MYO5B: variants seen among roughly 807,000 people sequenced by gnomAD.
MYO5B encodes the protein unconventional myosin-Vb.
In MYO5B, 143 loss-of-function variants were observed where a neutral mutation model predicts 229.3. That is an observed-to-expected ratio of 0.62 (90% confidence interval 0.54 to 0.72). The LOEUF is 0.72. Ranked by LOEUF, MYO5B falls within the 30% of genes least tolerant of loss-of-function variation. The pLI is 0.00. For synonymous variants in MYO5B, 918 were observed against 885.2 expected (o/e 1.04, Z -0.66); for missense variants, 2,321 against 2,331.0 (o/e 1.00, Z 0.09).
intron 2 of MYO5B, among the ~76,000 whole-genome samples, chr18:50,047,323 A>C (rs1255367077): frequency 6.6e-6 from 1 of 152,262 alleles, no homozygotes; most frequent in African/African-American, 2.4e-5. Flanking sequence ...TATGCAACCA[A>C]AAAACACATG....
At chr18:50,027,482 G>A (rs2026343848) in intron 4 of MYO5B, among the ~76,000 whole-genome samples, 1 of 152,194 alleles carries the variant, frequency 6.6e-6, no homozygotes, top group Non-Finnish European at 1.5e-5. Flanking sequence ...CACCTTAAGT[G>A]AAGGAGCTTG....
intron 5 of MYO5B, among the ~76,000 whole-genome samples, chr18:49,994,001 C>G (rs1468191919): frequency 6.6e-6 from 1 of 152,152 alleles, no homozygotes; most frequent in Non-Finnish European, 1.5e-5. Flanking sequence ...TCTCCAAAGC[C>G]CTATGCTCTC....
chr18:50,115,044 A>G lies in MYO5B; in HGVS notation c.28-59666T>C, dbSNP rs1173554785. ...GAGGACAGCACCTTTCTGATTCCACAATTTGATGGTCCACTCAGTGCTGAA... is the reference window on the plus strand; with the variant it reads ...GAGGACAGCACCTTTCTGATTCCACGATTTGATGGTCCACTCAGTGCTGAA... On this transcript the variant is annotated intron_variant, in intron 1 of 39. Coordinates refer to ENST00000285039, the MANE Select transcript of MYO5B (RefSeq NM_001080467.3). Among the ~76,000 whole-genome samples, 6 of 152,196 alleles carry G rather than the reference A, an allele frequency of 3.9e-5. No homozygotes were observed. The South Asian group carries it at 1.0e-3, about 26-fold the overall frequency.
chr18:49,884,967 C>A (rs1787317), intron 22 of MYO5B, among the ~76,000 whole-genome samples: 88,274 of 152,004 alleles, frequency 0.58, 25,785 homozygotes, highest in Middle Eastern at 0.67. Context: ...GGCTATAATA[C>A]AGACAGACAA....
intron 1 of MYO5B, among the ~76,000 whole-genome samples, chr18:50,157,672 TA>T (rs1255426131): frequency 4.6e-5 from 7 of 152,188 alleles, no homozygotes; most frequent in Admixed American, 3.9e-4. Flanking sequence ...ATCTCAAATC[TA>T]AAATACAAAA....
chr18:49,966,983 C>A (rs1254786214), intron 10 of MYO5B, among the ~76,000 whole-genome samples: 1 of 152,124 alleles, frequency 6.6e-6, no homozygotes, highest in Non-Finnish European at 1.5e-5. Flanking sequence ...AAAATAAACA[C>A]AATGAATCAA....
At chr18:50,040,345 G>A in intron 2 of MYO5B, 31 bp from the exon 3 acceptor site, 1 of 1,607,820 alleles carries the variant, frequency 6.2e-7, no homozygotes, top group East Asian at 2.2e-5. Flanking sequence ...GACACAAAAA[G>A]GTGGTTATGA....
chr18:49,937,740 T>C (rs960249241), intron 14 of MYO5B, among the ~76,000 whole-genome samples: 3 of 151,860 alleles, frequency 2.0e-5, no homozygotes, highest in Non-Finnish European at 2.9e-5. Context: ...ACACAAACGT[T>C]CGTATAGTGT....
intron 17 of MYO5B, among the ~76,000 whole-genome samples, chr18:49,929,229 T>G (rs2144194214): frequency 6.6e-6 from 1 of 152,322 alleles, no homozygotes; most frequent in East Asian, 1.9e-4. Flanking sequence ...GAAATCCTCT[T>G]TGCAACTCTA....
chr18:50,002,809 A>G (rs2026062502), intron 4 of MYO5B, among the ~76,000 whole-genome samples: 1 of 152,174 alleles, frequency 6.6e-6, no homozygotes, highest in Non-Finnish European at 1.5e-5. Flanking sequence ...TTTCCATATG[A>G]GGACAGGTTT....
At chr18:49,989,263 A>G (rs1309272371) in intron 7 of MYO5B, among the ~76,000 whole-genome samples, 1 of 152,202 alleles carries the variant, frequency 6.6e-6, no homozygotes, top group Non-Finnish European at 1.5e-5. Flanking sequence ...CGCTGAAACC[A>G]CTTGATGGAT....
chr18:50,165,555 C>T (rs1034034650), intron 1 of MYO5B, among the ~76,000 whole-genome samples: 1 of 152,202 alleles, frequency 6.6e-6, no homozygotes, highest in Non-Finnish European at 1.5e-5. Flanking sequence ...GCAGGCGGAT[C>T]ACTTAAGGTC....
At chr18:49,956,120 A>C (rs1182307887) in intron 12 of MYO5B, among the ~76,000 whole-genome samples, 1 of 152,240 alleles carries the variant, frequency 6.6e-6, no homozygotes, top group Non-Finnish European at 1.5e-5. Context: ...TTTTCTGACA[A>C]GGATCAGTCT....
intron 10 of MYO5B, among the ~76,000 whole-genome samples, chr18:49,970,191 C>T (rs1052807641): frequency 1.3e-5 from 2 of 152,270 alleles, no homozygotes; most frequent in African/African-American, 4.8e-5. Flanking sequence ...CCAGGATCTC[C>T]CCTATTAATT....
At chr18:49,941,316 G>C (rs1002781555) in intron 14 of MYO5B, among the ~76,000 whole-genome samples, 1 of 152,156 alleles carries the variant, frequency 6.6e-6, no homozygotes, top group African/African-American at 2.4e-5. Flanking sequence ...GGCCATCTCT[G>C]GTGAGCAGCC....
At chr18:50,193,232 C>T (rs1462568632) in intron 1 of MYO5B, among the ~76,000 whole-genome samples, 1 of 152,232 alleles carries the variant, frequency 6.6e-6, no homozygotes, top group Non-Finnish European at 1.5e-5. Context: ...GGTGCCGTTC[C>T]AGGGCCAGGA....
At chr18:49,877,907 G>C in intron 24 of MYO5B, 25 bp from the exon 25 acceptor site, 1 of 1,613,944 alleles carries the variant, frequency 6.2e-7, no homozygotes, top group Non-Finnish European at 8.5e-7. Context: ...AAACGTGATA[G>C]CTCATTAGGA....
intron 1 of MYO5B, among the ~76,000 whole-genome samples, chr18:50,137,203 C>T (rs913866776): frequency 1.3e-5 from 2 of 152,350 alleles, no homozygotes; most frequent in African/African-American, 4.8e-5. Context: ...TGCATACCAA[C>T]GAGGCACTCC....
At chr18:50,085,376 C>T (rs1365583383) in intron 1 of MYO5B, among the ~76,000 whole-genome samples, 10 of 152,084 alleles carry the variant, frequency 6.6e-5, no homozygotes, top group Non-Finnish European at 1.2e-4. Flanking sequence ...TACCATCTCA[C>T]ACCAGTTAGA....
Sources: allele counts gnomAD v4.1 joint callset (sites outside exome capture counted in the v4.1 genomes callset), GRCh38; gene constraint gnomAD v4.1.1; transcripts MANE v1.5; gene names NCBI Gene and HGNC (gene_info 2026-07-23, HGNC 2026-07-21).